PCYOX1: variants seen among roughly 807,000 people sequenced by gnomAD.
PCYOX1 encodes the protein prenylcysteine oxidase 1, also known as prenylcysteine lyase.
In PCYOX1, 46 loss-of-function variants were observed where a neutral mutation model predicts 46.4. That is an observed-to-expected ratio of 0.99 (90% CI 0.78 to 1.27). The LOEUF (loss-of-function observed/expected upper bound fraction) is 1.27. PCYOX1 is among the 50% of genes most tolerant of loss of function. The pLI is 0.00. For synonymous variants in PCYOX1, 220 were observed against 231.8 expected, an observed-to-expected ratio of 0.95 and a Z score of 0.46; for missense variants, 658 against 628.3, an observed-to-expected ratio of 1.05 and a Z score of -0.51.
At position 70,277,466 on chromosome 2, in the gene PCYOX1, G is replaced by A; in HGVS notation, c.*74G>A. 1 of 1,210,248 alleles carries A rather than the reference G, an allele frequency of 8.3e-7. No individual in the cohort carries two copies. Among genetic ancestry groups the A allele is most frequent in the Non-Finnish European group, 1.2e-6 (1 of 853,238 alleles). 75.0% of individuals were successfully genotyped at this position (1,210,248 alleles called of 1,614,324 possible). A position where few individuals can be genotyped will look rare whatever the true frequency, so the allele number is the denominator to read the frequency against. ...CAAAAAAGAACAAAATCTGAGCAGA[G>A]ATGATTTTGAACCAGATATTTTGCC... On this transcript the variant is annotated 3_prime_UTR_variant, in exon 6 of 6. Coordinates refer to ENST00000433351, the MANE Select transcript of PCYOX1 (RefSeq NM_016297.4).
Position 70,258,221 on chromosome 2 carries a change from G to A in PCYOX1, c.57G>A (p.Leu19=). 6.3e-7 allele frequency: 1 copy of A among 1,597,976 alleles called. No homozygotes were observed. ...VSSLLGLWLL[L]CSCGCPEGAE... ...CGCTGCTGGGGTTGTGGCTGTTGCT[G>A]TGCAGCTGCGGATGCCCCGAGGGCG... Residue 19 remains leucine, a synonymous_variant, in exon 1 of 6, where the codon CTG becomes CTA. Transcript: ENST00000433351.
In PCYOX1 at chr2:70,274,621, C is replaced by T. The variant is rs1012076506; in HGVS notation, c.495-338C>T. 22 of 209,536 alleles carry T rather than the reference C, an allele frequency of 1.0e-4. No homozygotes were observed. In the East Asian group the frequency reaches 1.6e-3, roughly 15 times the overall value. The allele number at this position is 209,536 out of a possible 1,614,324, so 13.0% of individuals were successfully genotyped here. A position where few individuals can be genotyped will look rare whatever the true frequency, so the allele number is the denominator to read the frequency against. On this transcript the variant is annotated intron_variant, in intron 3 of 5. Coordinates refer to ENST00000433351, the MANE Select transcript of PCYOX1 (RefSeq NM_016297.4). Reference sequence around the variant, plus strand: ...CTGTCTGGCCCAGGCTGGAGTGCAGCGGCATTATCACAGTTCACTGCGGCC... The same window carrying T: ...CTGTCTGGCCCAGGCTGGAGTGCAGTGGCATTATCACAGTTCACTGCGGCC...
In PCYOX1 at chr2:70,277,596, T is replaced by G. The variant is rs1696705153; in HGVS notation, c.*204T>G. ...TTGCACTTATGCCATCTCCAAAATT[T>G]CTTAAGTATTCTTTCACTATCCATT... On this transcript the variant is annotated 3_prime_UTR_variant, in exon 6 of 6. Coordinates refer to ENST00000433351, the MANE Select transcript of PCYOX1 (RefSeq NM_016297.4). 2.1e-6 allele frequency: 1 copy of G among 486,170 alleles called. No homozygotes were observed. Among genetic ancestry groups the G allele is most frequent in the African/African-American group, 1.9e-5 (1 of 51,304 alleles). The allele number at this position is 486,170 out of a possible 1,614,324, so 30.1% of individuals were successfully genotyped here. A position where few individuals can be genotyped will look rare whatever the true frequency, so the allele number is the denominator to read the frequency against.
chr2:70,258,318 C>A (rs773995440), intron 1 of PCYOX1, 42 bp downstream of exon 1: 1 of 1,363,758 alleles, frequency 7.3e-7, no homozygotes, highest in African/African-American at 1.5e-5. Context: ...CTGGAGCGCG[C>A]CCCGCGCCGG....
rs1401853612 is a variant in PCYOX1 at position 70,259,300 on chromosome 2, A to G, written c.113-60A>G. 2.7e-6 allele frequency: 4 copies of G among 1,491,722 alleles called. No individual in the cohort carries two copies. The Admixed American group carries it at 6.8e-5, about 25-fold the overall frequency. The allele number at this position is 1,491,722 out of a possible 1,614,324, so 92.4% of individuals were successfully genotyped here. A position where few individuals can be genotyped will look rare whatever the true frequency, so the allele number is the denominator to read the frequency against. On this transcript the variant is annotated intron_variant, in intron 1 of 5. Transcript: ENST00000433351. ...TGCTATTGATGGTCTTTCAAAAACA[A>G]AACAACTCACAGAGCTGGTAAAAGG... is the stretch of plus-strand genomic sequence containing the variant.
chr2:70,266,500 G>A (rs1324124136), intron 3 of PCYOX1, among the ~76,000 whole-genome samples: 2 of 151,836 alleles, frequency 1.3e-5, no homozygotes, highest in East Asian at 3.9e-4. Flanking sequence ...TCATTCTTGG[G>A]TGTTCTTCGG....
intron 4 of PCYOX1, 122 bp from the exon 5 acceptor site, chr2:70,275,392 C>G (rs948067798): frequency 9.2e-7 from 1 of 1,081,334 alleles, no homozygotes; most frequent in Non-Finnish European, 1.4e-6. Flanking sequence ...ATTTTGCTCC[C>G]AGGGGCCATT....
chr2:70,274,453 T>C (rs1267796748), intron 3 of PCYOX1, among the ~76,000 whole-genome samples: 2 of 151,770 alleles, frequency 1.3e-5, no homozygotes, highest in African/African-American at 2.4e-5. Context: ...GCCTTGGCCT[T>C]CCAAAGAGCT....
chr2:70,270,320 C>T (rs1696585402), intron 3 of PCYOX1, among the ~76,000 whole-genome samples: 1 of 152,130 alleles, frequency 6.6e-6, no homozygotes, highest in South Asian at 2.1e-4. Context: ...ATAAATACTC[C>T]TTGGACTTGG....
intron 3 of PCYOX1, among the ~76,000 whole-genome samples, chr2:70,267,124 G>A (rs1369631048): frequency 2.0e-5 from 3 of 151,870 alleles, no homozygotes; most frequent in Admixed American, 1.3e-4. Context: ...TGGCGGCGGG[G>A]CAGAGACACT....
At position 70,279,559 on chromosome 2, in the gene PCYOX1, CAGG is replaced by C. The variant is rs1393076430; in HGVS notation, c.*2170_*2172del. 2 of 152,056 alleles carry C rather than the reference CAGG, an allele frequency of 1.3e-5. No individual in the cohort carries two copies. The highest frequency in any genetic ancestry group is 2.9e-5 in the Non-Finnish European group (2 of 68,066). The allele number at this position is 152,056 out of a possible 1,614,324, so 9.4% of individuals were successfully genotyped here. On this transcript the variant is annotated 3_prime_UTR_variant, in exon 6 of 6. Transcript: ENST00000433351. ...GGCCAAGGCAAACGGATCACGAGGT[CAGG>C]AGATCAAGACCATCCTGGCCAACAT... is the stretch of plus-strand genomic sequence containing the variant.
At chr2:70,261,440 A>C (rs1397463690) in intron 3 of PCYOX1, 54 bp downstream of exon 3, 7 of 1,165,238 alleles carry the variant, frequency 6.0e-6, no homozygotes, top group Non-Finnish European at 8.8e-6. Context: ...GGTTAAATTA[A>C]ACTTGATGAA....
intron 3 of PCYOX1, among the ~76,000 whole-genome samples, chr2:70,262,386 G>A (rs565487901): frequency 2.4e-4 from 37 of 151,546 alleles, no homozygotes; most frequent in African/African-American, 8.2e-4. Flanking sequence ...GGCTGGTCTC[G>A]AACTCCTGAC....
intron 2 of PCYOX1, 98 bp downstream of exon 2, chr2:70,259,664 C>G: frequency 1.1e-6 from 1 of 890,108 alleles, no homozygotes; most frequent in Non-Finnish European, 1.8e-6. Flanking sequence ...TGTTAATTGC[C>G]TTACAGAGAC....
intron 3 of PCYOX1, among the ~76,000 whole-genome samples, chr2:70,273,439 A>C (rs1444426537): frequency 6.6e-6 from 1 of 152,226 alleles, no homozygotes; most frequent in Non-Finnish European, 1.5e-5. Flanking sequence ...CTATGCTTTT[A>C]GTAGGTAATA....
rs1204077389 is a variant in PCYOX1, at chr2:70,274,795, C to G, written c.495-164C>G. ...GCCAGGCTGGTCTTGAACTCCTGAC[C>G]TCAGGTGACCTGCCCACCTCTGCCT... On this transcript the variant is annotated intron_variant, in intron 3 of 5. Coordinates refer to ENST00000433351, the MANE Select transcript of PCYOX1 (RefSeq NM_016297.4). 8 of 607,874 alleles carry G rather than the reference C, an allele frequency of 1.3e-5. No homozygotes were observed. The East Asian group carries it at 2.2e-4, about 17-fold the overall frequency. 37.7% of individuals were successfully genotyped at this position (607,874 alleles called of 1,614,324 possible).
intron 3 of PCYOX1, among the ~76,000 whole-genome samples, chr2:70,268,975 A>G (rs1357564440): frequency 6.6e-6 from 1 of 152,052 alleles, no homozygotes; most frequent in Non-Finnish European, 1.5e-5. Flanking sequence ...TGTTTAAGCC[A>G]TCCAGTCTTT....
rs190418490 is a variant in PCYOX1 at position 70,262,040 on chromosome 2, T to C, written c.494+654T>C. ...CTTATGCTTTTCTATATTTAAACAGTTTTTTTAATGCGTGTGAATATGTAT... is the reference window on the plus strand; with the variant it reads ...CTTATGCTTTTCTATATTTAAACAGCTTTTTTAATGCGTGTGAATATGTAT... On this transcript the variant is annotated intron_variant, in intron 3 of 5. Coordinates refer to ENST00000433351, the MANE Select transcript of PCYOX1 (RefSeq NM_016297.4). Among the ~76,000 whole-genome samples, 307 of 152,322 alleles carry C rather than the reference T, an allele frequency of 2.0e-3. 5 individuals are homozygous for C. Among genetic ancestry groups the C allele is most frequent in the Non-Finnish European group, 5.4e-4 (37 of 68,030 alleles).
intron 3 of PCYOX1, among the ~76,000 whole-genome samples, chr2:70,262,928 A>G (rs1696461863): frequency 6.6e-6 from 1 of 152,154 alleles, no homozygotes; most frequent in Non-Finnish European, 1.5e-5. Flanking sequence ...CAGGTATTGA[A>G]CAGGACAAAT....
Sources: allele counts gnomAD v4.1 joint callset (sites outside exome capture counted in the v4.1 genomes callset), GRCh38; gene constraint gnomAD v4.1.1; transcripts MANE v1.5; gene names NCBI Gene and HGNC (gene_info 2026-07-23, HGNC 2026-07-21).